The following CNNM4 variants were observed in gnomAD, a reference collection of about 807,000 sequenced individuals.
The protein encoded by CNNM4 is metal transporter CNNM4.
CNNM4 carries 32 observed loss-of-function variants against 53.7 expected under a neutral mutation model. That is an observed-to-expected ratio of 0.60 (90% CI 0.45 to 0.80). The LOEUF (loss-of-function observed/expected upper bound fraction) is 0.80, where lower values mean the gene tolerates loss of function less well. Among genes scored for constraint, CNNM4 ranks in the 30% least tolerant of loss-of-function variants. The pLI is 0.00. For missense variants in CNNM4, 784 were observed against 1,022.0 expected (o/e 0.77, Z 3.17); for synonymous variants, 410 against 440.0 (o/e 0.93, Z 0.85).
At position 96,809,677 on chromosome 2, in the gene CNNM4, G is replaced by A; in HGVS notation, c.*160G>A. On this transcript the variant is annotated 3_prime_UTR_variant, in exon 7 of 7. Coordinates refer to ENST00000377075, the MANE Select transcript of CNNM4 (RefSeq NM_020184.4). Reference sequence around the variant, plus strand: ...CTATGGGGGATCTGGCCTCTGCCAGGGACCTCTGAGTAGCTCTGAGGTGGC... The same window carrying A: ...CTATGGGGGATCTGGCCTCTGCCAGAGACCTCTGAGTAGCTCTGAGGTGGC... 1 of 667,502 alleles carries A rather than the reference G, an allele frequency of 1.5e-6. No homozygotes were observed. Among genetic ancestry groups the A allele is most frequent in the East Asian group, 2.7e-5 (1 of 36,700 alleles). 41.3% of individuals were successfully genotyped at this position (667,502 alleles called of 1,614,324 possible). A position where few individuals can be genotyped will look rare whatever the true frequency, so the allele number is the denominator to read the frequency against.
intron 1 of CNNM4, among the ~76,000 whole-genome samples, chr2:96,769,398 G>A (rs1326851586): frequency 2.0e-5 from 3 of 150,940 alleles, no homozygotes; most frequent in Non-Finnish European, 3.0e-5. Context: ...GTGAAACCCC[G>A]TCTCTACTAA....
intron 1 of CNNM4, among the ~76,000 whole-genome samples, chr2:96,774,649 G>A (rs1199828595): frequency 6.6e-6 from 1 of 152,044 alleles, no homozygotes; most frequent in Admixed American, 6.6e-5. Context: ...GTGTCTCCTT[G>A]CAGTGAGATT....
chr2:96,763,055 C>T (rs984983906), intron 1 of CNNM4, among the ~76,000 whole-genome samples: 1 of 152,072 alleles, frequency 6.6e-6, no homozygotes, highest in African/African-American at 2.4e-5. Flanking sequence ...TGCTAGCCCA[C>T]AGAAGCAGAA....
chr2:96,804,623 G>C (rs1442472934), intron 5 of CNNM4, among the ~76,000 whole-genome samples: 1 of 151,844 alleles, frequency 6.6e-6, no homozygotes, highest in African/African-American at 2.4e-5. Flanking sequence ...GGCTGGTCTT[G>C]AACTCCTGAC....
At chr2:96,809,002 G>C (rs1378533932) in intron 6 of CNNM4, among the ~76,000 whole-genome samples, 1 of 142,236 alleles carries the variant, frequency 7.0e-6, no homozygotes, top group Non-Finnish European at 1.5e-5. Context: ...GTGGCTTCGG[G>C]TTTTTTTTTT....
At chr2:96,765,335 A>G (rs920855335) in intron 1 of CNNM4, among the ~76,000 whole-genome samples, 6 of 151,770 alleles carry the variant, frequency 4.0e-5, no homozygotes, top group African/African-American at 1.2e-4. Context: ...CATGTTGGTC[A>G]GGCTGGTCTT....
chr2:96,785,454 T>C (rs1195552388), intron 1 of CNNM4, among the ~76,000 whole-genome samples: 1 of 150,826 alleles, frequency 6.6e-6, no homozygotes, highest in Non-Finnish European at 1.5e-5. Flanking sequence ...CTGGGCAACA[T>C]GGCGAAACCC....
chr2:96,767,620 C>T (rs1231359124), intron 1 of CNNM4, among the ~76,000 whole-genome samples: 2 of 152,194 alleles, frequency 1.3e-5, no homozygotes, highest in African/African-American at 4.8e-5. Flanking sequence ...AACACCTTAT[C>T]TTTCCCCACC....
At chr2:96,786,608 G>A (rs1475923519) in intron 1 of CNNM4, among the ~76,000 whole-genome samples, 4 of 151,352 alleles carry the variant, frequency 2.6e-5, no homozygotes. Flanking sequence ...GTGAAACCCC[G>A]TCTACTAAAA....
chr2:96,805,418 GTTTT>G (rs898761608), intron 5 of CNNM4, among the ~76,000 whole-genome samples: 2 of 76,158 alleles, frequency 2.6e-5, no homozygotes, highest in Admixed American at 1.4e-4. Context: ...CTTCTTTTCA[GTTTT>G]TTTTTTTTTT....
chr2:96,771,262 T>G (rs914114731), intron 1 of CNNM4, among the ~76,000 whole-genome samples: 1 of 149,818 alleles, frequency 6.7e-6, no homozygotes, highest in Admixed American at 6.6e-5. Flanking sequence ...GACTCCTTAC[T>G]TCTGTGCTTA....
rs1047053567 is a variant in CNNM4, at chr2:96,791,502, G to A, written c.1403-5510G>A. Among the ~76,000 whole-genome samples the A allele has an allele frequency of 3.3e-5, 5 of 151,426 alleles. No homozygotes were observed. The South Asian group carries it at 6.3e-4, about 19-fold the overall frequency. On this transcript the variant is annotated intron_variant, in intron 1 of 6. Transcript: ENST00000377075. ...CAAAAAATTAGCTGGGTGTGGTGGCGGGCGCCTGTAATCCCAGCTAGTCAG... is the reference window on the plus strand; with the variant it reads ...CAAAAAATTAGCTGGGTGTGGTGGCAGGCGCCTGTAATCCCAGCTAGTCAG...
At chr2:96,777,170 G>A (rs930122848) in intron 1 of CNNM4, among the ~76,000 whole-genome samples, 2 of 151,892 alleles carry the variant, frequency 1.3e-5, no homozygotes, top group Non-Finnish European at 2.9e-5. Flanking sequence ...ACAGGAGCGC[G>A]CCACCACACC....
rs1347507338 is a variant in CNNM4, at chr2:96,808,261, C to T, written c.1949-300C>T. 2.6e-5 allele frequency among the ~76,000 whole-genome samples: 4 copies of T among 152,136 alleles called. No homozygotes were observed. The highest frequency in any genetic ancestry group is 2.0e-4 in the Admixed American group (3 of 15,276). ...TTGACTGATTGGTTGTTGTGGGAAACGAGAGATTTTGTAGCCATAAACTTT... is the reference window on the plus strand; with the variant it reads ...TTGACTGATTGGTTGTTGTGGGAAATGAGAGATTTTGTAGCCATAAACTTT... On this transcript the variant is annotated intron_variant, in intron 5 of 6. Coordinates refer to ENST00000377075, the MANE Select transcript of CNNM4 (RefSeq NM_020184.4). The surrounding 1 kb of genome is among the most constrained non-coding windows in gnomAD (Gnocchi z 4.9).
intron 3 of CNNM4, chr2:96,798,428 C>G (rs2079125639): frequency 1.2e-5 from 2 of 165,752 alleles, no homozygotes; most frequent in African/African-American, 4.8e-5. Context: ...CTCCCCTTTG[C>G]AGACGTGTGC....
rs2079133054 is a variant in CNNM4 at position 96,799,044 on chromosome 2, TCTC to T, written c.1682-7_1682-5del. The T allele has an allele frequency of 1.2e-6, 2 of 1,613,540 alleles. No homozygotes were observed. The highest frequency in any genetic ancestry group is 1.7e-6 in the Non-Finnish European group (2 of 1,179,860). The stretch of plus-strand genomic sequence containing the variant: ...CCAGCCCCGTGTGAGGTCTCTTCTC[TCTC>T]CTCCTACAGAGGTCTCTCAGTTTAG... On this transcript the variant is annotated splice_polypyrimidine_tract_variant and intron_variant, in intron 3 of 6. Transcript: ENST00000377075.
chr2:96,799,012 C>T lies in CNNM4; in HGVS notation c.1682-45C>T, dbSNP rs1462308995. On this transcript the variant is annotated intron_variant, in intron 3 of 6. Coordinates refer to ENST00000377075, the MANE Select transcript of CNNM4 (RefSeq NM_020184.4). ...CACAGCAGTGATCGAGCTTTAGGGC[C>T]ACCTGGCCAGCCCCGTGTGAGGTCT... The T allele has an allele frequency of 1.9e-6, 3 of 1,601,984 alleles. No homozygotes were observed. The African/African-American group carries it at 4.0e-5, about 21-fold the overall frequency.
intron 5 of CNNM4, among the ~76,000 whole-genome samples, chr2:96,807,555 A>C (rs1304761829): frequency 6.6e-6 from 1 of 152,020 alleles, no homozygotes; most frequent in Admixed American, 6.6e-5. Context: ...AAAACAAAAC[A>C]AAACCAAAAA....
At chr2:96,780,748 G>GT (rs2078967236) in intron 1 of CNNM4, among the ~76,000 whole-genome samples, 1 of 151,426 alleles carries the variant, frequency 6.6e-6, no homozygotes, top group Non-Finnish European at 1.5e-5. Flanking sequence ...TTGTTTGTTT[G>GT]TTTTTTTGAG....
Sources: allele counts gnomAD v4.1 joint callset (sites outside exome capture counted in the v4.1 genomes callset), GRCh38; gene constraint gnomAD v4.1.1; non-coding constraint Gnocchi (gnomAD v3.1); transcripts MANE v1.5; gene names NCBI Gene and HGNC (gene_info 2026-07-23, HGNC 2026-07-21).